CALD1: variants seen among roughly 807,000 people sequenced by gnomAD.
The protein encoded by CALD1 is caldesmon.
A neutral mutation model predicts 99.9 loss-of-function variants in CALD1; 33 were observed. The observed-to-expected ratio is 0.33, with a 90% CI of 0.25 to 0.44. The LOEUF is 0.44. Ranked by LOEUF, CALD1 falls within the 20% of genes least tolerant of loss-of-function variation. The pLI, the probability that CALD1 is intolerant of heterozygous loss-of-function variation, is 1.00. For synonymous variants in CALD1, 310 were observed against 325.0 expected (o/e 0.95, Z 0.50); for missense variants, 861 against 962.1 (o/e 0.89, Z 1.39).
intron 3 of CALD1, among the ~76,000 whole-genome samples, chr7:134,898,255 G>A (rs1338047532): frequency 6.6e-6 from 1 of 152,200 alleles, no homozygotes; most frequent in Non-Finnish European, 1.5e-5. Context: ...AATTCACAGG[G>A]TGAGCAAGAA....
At chr7:134,950,087 A>C (rs538077646) in intron 8 of CALD1, among the ~76,000 whole-genome samples, 1 of 152,364 alleles carries the variant, frequency 6.6e-6, no homozygotes, top group South Asian at 2.1e-4. Flanking sequence ...GCCCTAAAAA[A>C]TGAGTACTAT....
At chr7:134,748,072 G>C (rs1796651682) in intron 1 of CALD1, among the ~76,000 whole-genome samples, 1 of 152,252 alleles carries the variant, frequency 6.6e-6, no homozygotes, top group Non-Finnish European at 1.5e-5. Flanking sequence ...TGCAAGGCAG[G>C]ACCTCTGCCC....
At chr7:134,928,599 G>A (rs370243613) in intron 3 of CALD1, among the ~76,000 whole-genome samples, 155 bp from the exon 4 acceptor site, 2 of 152,164 alleles carry the variant, frequency 1.3e-5, no homozygotes, top group African/African-American at 4.8e-5. Context: ...AGCTGACTAG[G>A]TCGCTAAACT....
chr7:134,955,291 G>A (rs1807678707), intron 9 of CALD1, among the ~76,000 whole-genome samples: 1 of 152,154 alleles, frequency 6.6e-6, no homozygotes, highest in South Asian at 2.1e-4. Flanking sequence ...TCGACGCTGA[G>A]GCAGAAGAAT....
Position 134,947,687 on chromosome 7 carries a change from A to T in CALD1, c.1712A>T (p.Lys571Met). ...AALELEELKK[K>M]REERRKVLEE... is the part of the protein sequence containing the mutation. ...TTGGAGCTGGAGGAACTCAAGAAAA[A>T]GAGGGAGGAGAGAAGGAAGGTCCTG... The change falls in exon 8 of 15, where the codon AAG becomes ATG. Residue 571 changes from lysine to methionine, a missense_variant. Lys to Met is a moderately conservative substitution (Grantham distance 95). Coordinates refer to ENST00000361675, the MANE Select transcript of CALD1 (RefSeq NM_033138.4). 6.2e-7 allele frequency: 1 copy of T among 1,606,348 alleles called. No homozygotes were observed. The highest frequency in any genetic ancestry group is 8.5e-7 in the Non-Finnish European group (1 of 1,175,990).
chr7:134,845,284 A>G (rs1193813572), intron 2 of CALD1, among the ~76,000 whole-genome samples: 1 of 152,200 alleles, frequency 6.6e-6, no homozygotes, highest in Non-Finnish European at 1.5e-5. Context: ...TATTTATTAA[A>G]TGAATGAATG....
the CALD1 span, among the ~76,000 whole-genome samples, chr7:134,735,565 C>G: frequency 0.44 from 53,002 of 120,604 alleles, 11,211 homozygotes; most frequent in East Asian, 0.67. Context: ...CCACTACCCT[C>G]TGTGTGTGTG....
chr7:134,867,947 G>A, intron 3 of CALD1, 143 bp downstream of exon 3: 1 of 444,480 alleles, frequency 2.2e-6, no homozygotes, highest in Non-Finnish European at 4.2e-6. Flanking sequence ...AAATTTTTCT[G>A]CTAAGACTCT....
intron 1 of CALD1, among the ~76,000 whole-genome samples, chr7:134,804,787 A>G (rs1798074497): frequency 6.6e-6 from 1 of 152,246 alleles, no homozygotes; most frequent in South Asian, 2.1e-4. Context: ...TTCCCCAAAC[A>G]TACCTGCACT....
intron 3 of CALD1, among the ~76,000 whole-genome samples, chr7:134,876,609 G>A (rs1039486390): frequency 3.3e-5 from 5 of 152,158 alleles, no homozygotes; most frequent in Admixed American, 2.6e-4. Context: ...AAAGTTTGGC[G>A]TCTTTGTCAA....
chr7:134,920,476 A>G, intron 3 of CALD1: 10 of 1,095,606 alleles, frequency 9.1e-6, no homozygotes, highest in Non-Finnish European at 1.1e-5. Context: ...CTAAGAAGTC[A>G]TCCTTTTTTG....
upstream of CALD1, among the ~76,000 whole-genome samples, chr7:134,776,540 A>G (rs192221077): frequency 2.0e-3 from 304 of 152,188 alleles, 1 homozygote; most frequent in Middle Eastern, 3.4e-3. Context: ...ATCTGCATTC[A>G]TAAGTGCACT....
chr7:134,711,660 C>CTCTCTCTCTCTCTCTCTA, the CALD1 span, among the ~76,000 whole-genome samples: 7 of 78,346 alleles, frequency 8.9e-5, no homozygotes, highest in African/African-American at 4.3e-4. Context: ...CTCTCTCTCT[C>CTCTCTCTCTCTCTCTCTA]TATATATATA....
At chr7:134,935,654 C>G (rs749008416) in intron 5 of CALD1, 34 bp from the exon 6 acceptor site, 2 of 1,584,902 alleles carry the variant, frequency 1.3e-6, no homozygotes, top group South Asian at 2.3e-5. Flanking sequence ...GCTTCTTTTA[C>G]TTGTGTGACC....
chr7:134,790,424 C>G (rs916414256), intron 1 of CALD1, among the ~76,000 whole-genome samples: 9 of 152,180 alleles, frequency 5.9e-5, no homozygotes, highest in Non-Finnish European at 1.3e-4. Flanking sequence ...AAGCTCCTCC[C>G]TAACTCCAAC....
intron 3 of CALD1, among the ~76,000 whole-genome samples, chr7:134,870,537 G>GA (rs1256889421): frequency 1.3e-5 from 2 of 152,158 alleles, no homozygotes; most frequent in African/African-American, 4.8e-5. Flanking sequence ...GATGTAAAAG[G>GA]AATGTACACA....
At chr7:134,835,283 CT>C (rs1271234401) in intron 1 of CALD1, among the ~76,000 whole-genome samples, 2 of 152,182 alleles carry the variant, frequency 1.3e-5, no homozygotes, top group Admixed American at 6.5e-5. Flanking sequence ...GTGTTTCATG[CT>C]TGGCACCGAC....
At chr7:134,752,932 C>T (rs193280961) in intron 1 of CALD1, among the ~76,000 whole-genome samples, 6 of 149,370 alleles carry the variant, frequency 4.0e-5, no homozygotes, top group Non-Finnish European at 7.4e-5. Flanking sequence ...AGCACTTGAA[C>T]CTGGGAGGTG....
At chr7:134,893,776 T>C (rs954750705) in intron 3 of CALD1, among the ~76,000 whole-genome samples, 1 of 152,208 alleles carries the variant, frequency 6.6e-6, no homozygotes, top group African/African-American at 2.4e-5. Flanking sequence ...GAGGCAAGTC[T>C]CAATCATTTT....
Sources: allele counts gnomAD v4.1 joint callset (sites outside exome capture counted in the v4.1 genomes callset), GRCh38; gene constraint gnomAD v4.1.1; transcripts MANE v1.5; gene names NCBI Gene and HGNC (gene_info 2026-07-23, HGNC 2026-07-21).